FLRT1: variants seen among roughly 807,000 people sequenced by gnomAD.
FLRT1 encodes leucine-rich repeat transmembrane protein FLRT1.
A neutral mutation model predicts 30.9 loss-of-function variants in FLRT1; 14 were observed. The ratio of observed to expected loss-of-function variants is 0.45; its 90% CI spans 0.30 to 0.71. The LOEUF (loss-of-function observed/expected upper bound fraction) is 0.71. Among genes scored for constraint, FLRT1 ranks in the 30% least tolerant of loss-of-function variants. The probability of loss-of-function intolerance (pLI) is 0.08; values close to 1 mark genes in which losing one functional copy is unlikely to be tolerated. For missense variants in FLRT1, 737 were observed against 949.2 expected, an observed-to-expected ratio of 0.78 and a Z score of 2.94; for synonymous variants, 368 against 430.4, an observed-to-expected ratio of 0.85 and a Z score of 1.80.
In FLRT1 at chr11:64,117,514, G is replaced by C; in HGVS notation, c.1247G>C (p.Arg416Thr). ...QGSLFTLKAKRPGLRLPDSNI... is the reference protein window; with the variant it reads ...QGSLFTLKAKTPGLRLPDSNI... Reference sequence around the variant, plus strand: ...TCCCTGTTTACCCTCAAGGCCAAAAGGCCAGGGCTGCGCCTCCCCGACTCC... The same window carrying C: ...TCCCTGTTTACCCTCAAGGCCAAAACGCCAGGGCTGCGCCTCCCCGACTCC... Residue 416 changes from arginine to threonine, a missense_variant, in exon 3 of 3, where the codon AGG becomes ACG. Transcript: ENST00000682287. 1.2e-6 allele frequency: 2 copies of C among 1,607,136 alleles called. No homozygotes were observed. Among genetic ancestry groups the C allele is most frequent in the South Asian group, 2.2e-5 (2 of 90,464 alleles).
At chr11:64,084,157 C>T (rs767374573) in intron 1 of FLRT1, among the ~76,000 whole-genome samples, 2 of 152,146 alleles carry the variant, frequency 1.3e-5, no homozygotes, top group African/African-American at 2.4e-5. Flanking sequence ...GCATGGCACG[C>T]GCGCCTTCTG....
At chr11:64,065,546 T>G (rs570930840) in intron 1 of FLRT1, among the ~76,000 whole-genome samples, 2 of 152,120 alleles carry the variant, frequency 1.3e-5, no homozygotes, top group East Asian at 1.9e-4. Flanking sequence ...TCCCAGCACT[T>G]TGGGAGGCCA....
chr11:64,046,393 C>G (rs1943584143), intron 1 of FLRT1, among the ~76,000 whole-genome samples: 1 of 152,160 alleles, frequency 6.6e-6, no homozygotes, highest in Admixed American at 6.5e-5. Context: ...GCCCTGGGTT[C>G]CCAAAGTGTC....
In FLRT1 at chr11:64,067,211, G is replaced by A. The variant is rs776550841; in HGVS notation, c.-1038+31052G>A. 6.6e-6 allele frequency among the ~76,000 whole-genome samples: 1 copy of A among 152,144 alleles called. No homozygotes were observed. The highest frequency in any genetic ancestry group is 1.5e-5 in the Non-Finnish European group (1 of 68,024). On this transcript the variant is annotated intron_variant, in intron 1 of 2. Transcript: ENST00000682287. This position sits in a 1 kb window ranked among gnomAD's most constrained non-coding sequence, Gnocchi z 4.6. ...TGCGGCTCCAAGGAGATGGCAGATG[G>A]GAGGGGTGGGGAGAGGCCTTGCATG... is the stretch of plus-strand genomic sequence containing the variant.
At chr11:64,042,037 C>T (rs918951675) in intron 1 of FLRT1, among the ~76,000 whole-genome samples, 4 of 152,152 alleles carry the variant, frequency 2.6e-5, no homozygotes, top group African/African-American at 9.7e-5. Context: ...CTCACTCTCT[C>T]GGGCAGCGGC....
intron 1 of FLRT1, among the ~76,000 whole-genome samples, chr11:64,040,731 C>T (rs1241969589): frequency 6.6e-6 from 1 of 152,122 alleles, no homozygotes; most frequent in East Asian, 1.9e-4. Context: ...TCCGCAGAAA[C>T]CCTCCCCAGC....
At position 64,061,873 on chromosome 11, in the gene FLRT1, C is replaced by CT. The variant is rs57666180; in HGVS notation, c.-1038+25736dup. ...CCACAGGCGTGTGCCACCACGCTGG[C>CT]TTTTTTTTTTTTTTTTTTTTTTGTA... On this transcript the variant is annotated intron_variant, in intron 1 of 2. Transcript: ENST00000682287. Among the ~76,000 whole-genome samples the CT allele has an allele frequency of 7.9e-3, 784 of 99,104 alleles. 10 individuals are homozygous for CT. The highest frequency in any genetic ancestry group is 0.012 in the Middle Eastern group (2 of 162). The allele number at this position is 99,104 out of a possible 152,430, so 65.0% of individuals were successfully genotyped here.
chr11:64,109,414 C>T lies in FLRT1; in HGVS notation c.-50+5233C>T, dbSNP rs183556356. On this transcript the variant is annotated intron_variant, in intron 2 of 2. Coordinates refer to ENST00000682287, the MANE Select transcript of FLRT1 (RefSeq NM_013280.5). ...AGACCTGGGAAACCCGGGAGGCTGC[C>T]GGCCTCTCCCCACTCGTGACACTGG... is the stretch of plus-strand genomic sequence containing the variant. 3.4e-3 allele frequency among the ~76,000 whole-genome samples: 524 copies of T among 152,206 alleles called. 2 individuals are homozygous for T. The highest frequency in any genetic ancestry group is 0.012 in the African/African-American group (506 of 41,518).
chr11:64,104,025 C>T lies in FLRT1; in HGVS notation c.-206C>T, dbSNP rs1322920206. 1 of 152,348 alleles carries T rather than the reference C, an allele frequency of 6.6e-6. No individual in the cohort carries two copies. The highest frequency in any genetic ancestry group is 2.4e-5 in the African/African-American group (1 of 41,442). The allele number at this position is 152,348 out of a possible 1,614,324, so 9.4% of individuals were successfully genotyped here. On this transcript the variant is annotated 5_prime_UTR_variant, in exon 2 of 3. Coordinates refer to ENST00000682287, the MANE Select transcript of FLRT1 (RefSeq NM_013280.5). The stretch of plus-strand genomic sequence containing the variant: ...CACCCCAGGGCTGAGGTCTGCGTCC[C>T]TAGTGGTGCAAGGCCTGGTAGGACC...
chr11:64,084,369 G>A (rs1380877391), intron 1 of FLRT1, among the ~76,000 whole-genome samples: 4 of 152,092 alleles, frequency 2.6e-5, no homozygotes, highest in Admixed American at 1.3e-4. Flanking sequence ...CTCTGCCCAC[G>A]TGCATTTCCT....
At position 64,116,408 on chromosome 11, in the gene FLRT1, G is replaced by A; in HGVS notation, c.141G>A (p.Glu47=). The A allele has an allele frequency of 6.2e-7, 1 of 1,613,998 alleles. No homozygotes were observed. The highest frequency in any genetic ancestry group is 8.5e-7 in the Non-Finnish European group (1 of 1,180,030). The part of the protein sequence containing the change: ...LCYGLIAFLT[E]VIDSTTCPSV... Reference sequence around the variant, plus strand: ...ACGGGCTCATCGCCTTCCTGACGGAGGTCATCGACAGCACCACCTGCCCCT... The same window carrying A: ...ACGGGCTCATCGCCTTCCTGACGGAAGTCATCGACAGCACCACCTGCCCCT... The change falls in exon 3 of 3, where the codon GAG becomes GAA. Residue 47 remains glutamate (E), a synonymous_variant. Coordinates refer to ENST00000682287, the MANE Select transcript of FLRT1 (RefSeq NM_013280.5).
intron 1 of FLRT1, among the ~76,000 whole-genome samples, chr11:64,088,875 C>T (rs1018392146): frequency 5.3e-5 from 8 of 151,996 alleles, no homozygotes; most frequent in African/African-American, 1.9e-4. Flanking sequence ...CAGGCGGAAT[C>T]GGGTGTATTG....
chr11:64,036,163 G>C lies in FLRT1; in HGVS notation c.-1038+4G>C, dbSNP rs1943375994. The C allele has an allele frequency of 6.6e-6, 1 of 152,158 alleles. No homozygotes were observed. The highest frequency in any genetic ancestry group is 1.9e-4 in the East Asian group (1 of 5,178). 9.4% of individuals were successfully genotyped at this position (152,158 alleles called of 1,614,324 possible). A position where few individuals can be genotyped will look rare whatever the true frequency, so the allele number is the denominator to read the frequency against. Reference sequence around the variant, plus strand: ...CGCCTCCCCGGCCGCTGCGCAGGTAGGGCTGGCTGCACCGGGCGGGGGTCG... The same window carrying C: ...CGCCTCCCCGGCCGCTGCGCAGGTACGGCTGGCTGCACCGGGCGGGGGTCG... On this transcript the variant is annotated splice_donor_region_variant and intron_variant, in intron 1 of 2. Transcript: ENST00000682287. This position sits in a 1 kb window ranked among gnomAD's most constrained non-coding sequence, Gnocchi z 5.6.
chr11:64,076,443 T>C (rs929369256), intron 1 of FLRT1, among the ~76,000 whole-genome samples: 13 of 151,714 alleles, frequency 8.6e-5, no homozygotes, highest in South Asian at 2.1e-4. Flanking sequence ...ACTGGATGGA[T>C]GGATGGACGG....
Position 64,117,280 on chromosome 11 carries a change from G to A in FLRT1, c.1013G>A (p.Trp338Ter). 1 of 1,614,186 alleles carries A rather than the reference G, an allele frequency of 6.2e-7. No homozygotes were observed. The highest frequency in any genetic ancestry group is 8.5e-7 in the Non-Finnish European group (1 of 1,180,018). The change falls in exon 3 of 3, where the codon TGG (tryptophan) becomes TAG (stop). Residue 338 changes from tryptophan (W) to a stop codon, truncating the protein, a stop_gained. Transcript: ENST00000682287. LOFTEE classifies it high-confidence loss of function. ...NPWFCGCNLMWLRDWVKARAA... is the reference protein window; with the variant it reads ...NPWFCGCNLM ...TGGTTTTGTGGCTGCAACCTCATGT[G>A]GCTGCGGGACTGGGTGAAGGCACGG...
chr11:64,048,889 C>T (rs1168136049), intron 1 of FLRT1, among the ~76,000 whole-genome samples: 1 of 152,070 alleles, frequency 6.6e-6, no homozygotes, highest in African/African-American at 2.4e-5. Context: ...CGCCCTTGCC[C>T]TGTCCCCACA....
At chr11:64,113,603 GTGGATGGATGGA>G (rs138402349) in intron 2 of FLRT1, among the ~76,000 whole-genome samples, 1,430 of 117,538 alleles carry the variant, frequency 0.012, 16 homozygotes, top group Non-Finnish European at 0.015. Flanking sequence ...GGATGGTTAG[GTGGATGGATGGA>G]TGGATGGATG....
At chr11:64,076,773 C>T (rs1056995492) in intron 1 of FLRT1, among the ~76,000 whole-genome samples, 3 of 152,298 alleles carry the variant, frequency 2.0e-5, no homozygotes, top group Admixed American at 2.0e-4. Flanking sequence ...GCAGAGCTAG[C>T]TAAGGTGGGA....
chr11:64,082,259 G>A lies in FLRT1; in HGVS notation c.-1037-20935G>A, dbSNP rs1273912656. ...GGCCCCTGCTTAGCAGAGGATGGCTGAGCCTGGGGGGTGGAGAAAATCTTG... is the reference window on the plus strand; with the variant it reads ...GGCCCCTGCTTAGCAGAGGATGGCTAAGCCTGGGGGGTGGAGAAAATCTTG... On this transcript the variant is annotated intron_variant, in intron 1 of 2. Transcript: ENST00000682287. This position sits in a 1 kb window ranked among gnomAD's most constrained non-coding sequence, Gnocchi z 4.5. Among the ~76,000 whole-genome samples the A allele has an allele frequency of 6.6e-6, 1 of 152,152 alleles. No individual in the cohort carries two copies. The highest frequency in any genetic ancestry group is 6.5e-5 in the Admixed American group (1 of 15,282).
Sources: allele counts gnomAD v4.1 joint callset (sites outside exome capture counted in the v4.1 genomes callset), GRCh38; gene constraint gnomAD v4.1.1; non-coding constraint Gnocchi (gnomAD v3.1); transcripts MANE v1.5; gene names NCBI Gene and HGNC (gene_info 2026-07-23, HGNC 2026-07-21).